SNX9: variants seen among roughly 807,000 people sequenced by gnomAD.
The protein encoded by SNX9 is sorting nexin-9.
SNX9 carries 44 observed loss-of-function variants against 89.4 expected under a neutral mutation model. The observed-to-expected ratio is 0.49, with a 90% CI of 0.39 to 0.63. The LOEUF (loss-of-function observed/expected upper bound fraction) is 0.63, where lower values mean the gene tolerates loss of function less well. Ranked by LOEUF, SNX9 falls within the 30% of genes least tolerant of loss-of-function variation. The pLI is 0.00. For missense variants in SNX9, 578 were observed against 736.1 expected, an observed-to-expected ratio of 0.79 and a Z score of 2.49; for synonymous variants, 236 against 247.8, an observed-to-expected ratio of 0.95 and a Z score of 0.45.
chr6:157,890,390 A>G (rs1244379444), intron 4 of SNX9, among the ~76,000 whole-genome samples: 1 of 152,326 alleles, frequency 6.6e-6, no homozygotes, highest in African/African-American at 2.4e-5. Flanking sequence ...TGTTTAAATA[A>G]GTCTCCCAAT....
At chr6:157,825,578 A>G (rs1374078595) in intron 1 of SNX9, among the ~76,000 whole-genome samples, 2 of 152,226 alleles carry the variant, frequency 1.3e-5, no homozygotes, top group African/African-American at 4.8e-5. Context: ...CTCCAAAGGC[A>G]AATTCCAGTA....
At chr6:157,828,812 C>A (rs562997261) in intron 1 of SNX9, among the ~76,000 whole-genome samples, 2 of 152,258 alleles carry the variant, frequency 1.3e-5, no homozygotes, top group East Asian at 1.9e-4. Context: ...ATCACTTCCC[C>A]GGGAAAGCCT....
chr6:157,858,582 G>A (rs1477806545), intron 1 of SNX9, among the ~76,000 whole-genome samples: 1 of 152,156 alleles, frequency 6.6e-6, no homozygotes, highest in Non-Finnish European at 1.5e-5. Context: ...TATTGATATA[G>A]GGGTGGGAGG....
chr6:157,866,563 A>G (rs1396851176), intron 1 of SNX9, among the ~76,000 whole-genome samples: 4 of 152,072 alleles, frequency 2.6e-5, no homozygotes, highest in African/African-American at 9.7e-5. Context: ...GACAGAGTGA[A>G]ACTCTGTCTG....
In SNX9 at chr6:157,876,954, T is replaced by C. The variant is rs1399716827; in HGVS notation, c.300+1778T>C. Among the ~76,000 whole-genome samples, 12 of 152,360 alleles carry C rather than the reference T, an allele frequency of 7.9e-5. 1 individual carries two copies. The East Asian group carries it at 2.3e-3, about 29-fold the overall frequency. On this transcript the variant is annotated intron_variant, in intron 4 of 17. Coordinates refer to ENST00000392185, the MANE Select transcript of SNX9 (RefSeq NM_016224.5). Reference sequence around the variant, plus strand: ...AAGCCAGTTGAGATTCACTGAGTTATACAGAAGCACCCATGAAATGGGTTT... The same window carrying C: ...AAGCCAGTTGAGATTCACTGAGTTACACAGAAGCACCCATGAAATGGGTTT...
Position 157,915,352 on chromosome 6 carries a change from G to A in SNX9, c.949+5327G>A, listed in dbSNP as rs545599507. On this transcript the variant is annotated intron_variant, in intron 9 of 17. Transcript: ENST00000392185. ...TCATGCTGGAATTTTTATTGAAACCGCATTGATTCTGTAGATCAATTTTCA... is the reference window on the plus strand; with the variant it reads ...TCATGCTGGAATTTTTATTGAAACCACATTGATTCTGTAGATCAATTTTCA... Among the ~76,000 whole-genome samples the A allele has an allele frequency of 1.1e-4, 17 of 151,960 alleles. No individual in the cohort carries two copies. The East Asian group carries it at 1.2e-3, about 10-fold the overall frequency.
intron 1 of SNX9, among the ~76,000 whole-genome samples, chr6:157,825,749 T>A (rs940488085): frequency 6.6e-5 from 10 of 152,212 alleles, no homozygotes; most frequent in African/African-American, 2.4e-4. Context: ...TGGTGATTCT[T>A]GTGTCAAACC....
chr6:157,942,965 A>C lies in SNX9; in HGVS notation c.*127A>C. Reference sequence around the variant, plus strand: ...AAAACCAAAAAGAAAGAGTTGCAAAAAACTGCATTTATTTTATTAGCCACC... The same window carrying C: ...AAAACCAAAAAGAAAGAGTTGCAAACAACTGCATTTATTTTATTAGCCACC... On this transcript the variant is annotated 3_prime_UTR_variant, in exon 18 of 18. Transcript: ENST00000392185. The C allele has an allele frequency of 1.0e-6, 1 of 960,466 alleles. No homozygotes were observed. Among genetic ancestry groups the C allele is most frequent in the South Asian group, 1.8e-5 (1 of 55,692 alleles). 59.5% of individuals were successfully genotyped at this position (960,466 alleles called of 1,614,324 possible).
At chr6:157,923,802 G>A (rs550742763) in intron 10 of SNX9, among the ~76,000 whole-genome samples, 2 of 152,210 alleles carry the variant, frequency 1.3e-5, no homozygotes, top group Non-Finnish European at 2.9e-5. Flanking sequence ...GATGGCACTG[G>A]GCGTAGTAGG....
At chr6:157,869,266 A>C (rs1261654659) in intron 2 of SNX9, among the ~76,000 whole-genome samples, 1 of 151,904 alleles carries the variant, frequency 6.6e-6, no homozygotes, top group Non-Finnish European at 1.5e-5. Flanking sequence ...ATGCGGTCTC[A>C]GATTTTTGTA....
chr6:157,936,771 T>C (rs1437370585), intron 14 of SNX9, among the ~76,000 whole-genome samples: 1 of 152,238 alleles, frequency 6.6e-6, no homozygotes, highest in Non-Finnish European at 1.5e-5. Context: ...TTGTCATAGC[T>C]ACATAGCTTT....
chr6:157,840,420 T>TTTCTTTCCTTTCC (rs199981713), intron 1 of SNX9, among the ~76,000 whole-genome samples: 1 of 118,590 alleles, frequency 8.4e-6, no homozygotes, highest in African/African-American at 3.3e-5. Flanking sequence ...TCTTTCTTTC[T>TTTCTTTCCTTTCC]TTTCTTTCTT....
Position 157,823,783 on chromosome 6 carries a change from CAGCCCGGG to C in SNX9, c.12+338_12+345del, listed in dbSNP as rs1162352184. On this transcript the variant is annotated intron_variant, in intron 1 of 17. Coordinates refer to ENST00000392185, the MANE Select transcript of SNX9 (RefSeq NM_016224.5). This position sits in a 1 kb window ranked among gnomAD's most constrained non-coding sequence, Gnocchi z 4.6. ...GGGGCCGCGGGACGGAAACTTCCCG[CAGCCCGGG>C]GAGGCCCCCGAGGCGACTGGCGCTC... Among the ~76,000 whole-genome samples, 3 of 152,032 alleles carry C rather than the reference CAGCCCGGG, an allele frequency of 2.0e-5. No individual in the cohort carries two copies. The highest frequency in any genetic ancestry group is 4.4e-5 in the Non-Finnish European group (3 of 67,974).
chr6:157,916,111 T>C (rs532473957), intron 9 of SNX9, among the ~76,000 whole-genome samples: 10 of 152,028 alleles, frequency 6.6e-5, no homozygotes, highest in African/African-American at 1.7e-4. Context: ...CTCGGCTTAC[T>C]GCAAGCTCCA....
rs763197001 is a variant in SNX9, at chr6:157,921,544, G to T, written c.963G>T (p.Glu321Asp). The T allele has an allele frequency of 6.2e-7, 1 of 1,613,416 alleles. No individual in the cohort carries two copies. The highest frequency in any genetic ancestry group is 1.7e-5 in the Admixed American group (1 of 59,988). ...TGTCGCTTGCAGGCCGCTTTGAAGA[G>T]GAATTTATCAAAATGCGCATGGAGA... Reference protein sequence around the residue: ...PDKQVTGRFEEEFIKMRMERL... With the variant: ...PDKQVTGRFEDEFIKMRMERL... Residue 321 changes from glutamate (E) to aspartate (D), a missense_variant, in exon 10 of 18, where the codon GAG becomes GAT. By Grantham distance (45) the Glu-to-Asp change is conservative. Transcript: ENST00000392185.
chr6:157,910,055 G>A (rs1267578726), intron 9 of SNX9, 30 bp downstream of exon 9: 1 of 1,539,126 alleles, frequency 6.5e-7, no homozygotes, highest in South Asian at 1.1e-5. Context: ...AACCCAGGAT[G>A]ACAAATAGAA....
chr6:157,936,947 G>A (rs1783938555), intron 14 of SNX9, among the ~76,000 whole-genome samples: 1 of 151,990 alleles, frequency 6.6e-6, no homozygotes, highest in Non-Finnish European at 1.5e-5. Context: ...ACACACTAAT[G>A]TGGTTGTGGG....
chr6:157,856,108 G>A (rs573175606), intron 1 of SNX9, among the ~76,000 whole-genome samples: 1 of 152,166 alleles, frequency 6.6e-6, no homozygotes, highest in African/African-American at 2.4e-5. Flanking sequence ...TTTTATTTTG[G>A]GTGAAGAGAC....
intron 1 of SNX9, among the ~76,000 whole-genome samples, chr6:157,845,140 C>T (rs1781780779): frequency 1.4e-5 from 2 of 145,176 alleles, no homozygotes; most frequent in Admixed American, 1.4e-4. Flanking sequence ...CGGAGTTCCG[C>T]TCTTGTCGCC....
Sources: gnomAD v4.1 joint callset for allele counts (sites outside exome capture counted in the v4.1 genomes callset) on GRCh38, gnomAD v4.1.1 for gene constraint, Gnocchi (gnomAD v3.1) non-coding constraint, MANE v1.5 for transcripts, NCBI Gene and HGNC (gene_info 2026-07-23, HGNC 2026-07-21) for gene names.